STK32B: variants seen among roughly 807,000 people sequenced by gnomAD.
STK32B encodes serine/threonine-protein kinase 32B.
Under a neutral mutation model 52.6 loss-of-function variants are expected in STK32B, and 43 were observed. The observed-to-expected ratio is 0.82, with a 90% CI of 0.64 to 1.05. STK32B has a LOEUF of 1.05. STK32B is among the 50% of genes least tolerant of loss of function. The pLI, the probability that STK32B is intolerant of heterozygous loss-of-function variation, is 0.00. For missense variants in STK32B, 621 were observed against 534.6 expected (o/e 1.16, Z -1.59); for synonymous variants, 238 against 204.3 (o/e 1.17, Z -1.41).
chr4:5,279,390 A>C (rs532210198), intron 3 of STK32B, among the ~76,000 whole-genome samples: 1 of 152,136 alleles, frequency 6.6e-6, no homozygotes, highest in Non-Finnish European at 1.5e-5. Flanking sequence ...CCTCGACTCC[A>C]TGATTCACAT....
At chr4:5,034,266 A>G in the STK32B span, among the ~76,000 whole-genome samples, 1 of 152,212 alleles carries the variant, frequency 6.6e-6, no homozygotes, top group Non-Finnish European at 1.5e-5. Flanking sequence ...AAAATGAACC[A>G]GAAAATGTAT....
intron 3 of STK32B, among the ~76,000 whole-genome samples, chr4:5,320,180 C>T (rs1181581557): frequency 1.2e-4 from 19 of 152,096 alleles, no homozygotes; most frequent in Non-Finnish European, 1.5e-5. Flanking sequence ...TTATCCTTCC[C>T]CTCCTAGAGT....
Position 5,456,850 on chromosome 4 carries a change from TCAA to T in STK32B, c.713_715del (p.Asn238del). 6.3e-7 allele frequency: 1 copy of T among 1,598,920 alleles called. No individual in the cohort carries two copies. Among genetic ancestry groups the T allele is most frequent in the Non-Finnish European group, 8.5e-7 (1 of 1,171,124 alleles). The stretch of plus-strand genomic sequence containing the variant: ...TCGGTCACGCCCATCGATGAAATCC[TCAA>T]CATGTTCAAGGTGGAGCGTGTCCAC... On this transcript the variant is annotated inframe_deletion, in exon 8 of 12. Coordinates refer to ENST00000282908, the MANE Select transcript of STK32B (RefSeq NM_018401.3).
rs941762716 is a variant in STK32B at position 5,500,521 on chromosome 4, G to C, written c.*1438G>C. On this transcript the variant is annotated 3_prime_UTR_variant, in exon 12 of 12. Transcript: ENST00000282908. ...TGATATTTGTTTGTTACATCCTGCT[G>C]AAGTTCGACTGTGTTTTTATTTTTT... 4 of 152,256 alleles carry C rather than the reference G, an allele frequency of 2.6e-5. No homozygotes were observed. Among genetic ancestry groups the C allele is most frequent in the Middle Eastern group, 3.4e-3 (1 of 294 alleles). 9.4% of individuals were successfully genotyped at this position (152,256 alleles called of 1,614,324 possible).
At chr4:5,384,359 G>A (rs1263305842) in intron 4 of STK32B, among the ~76,000 whole-genome samples, 4 of 152,156 alleles carry the variant, frequency 2.6e-5, no homozygotes, top group Non-Finnish European at 5.9e-5. Context: ...GGCAGATGTG[G>A]GGTGTGGACA....
At chr4:5,471,364 C>T (rs531027644) in intron 11 of STK32B, among the ~76,000 whole-genome samples, 3 of 152,036 alleles carry the variant, frequency 2.0e-5, no homozygotes, top group African/African-American at 7.3e-5. Flanking sequence ...AGAAGAGGTG[C>T]AGGCATGGGG....
intron 5 of STK32B, among the ~76,000 whole-genome samples, chr4:5,401,748 G>A (rs1737304547): frequency 6.6e-6 from 1 of 152,294 alleles, no homozygotes; most frequent in East Asian, 1.9e-4. Flanking sequence ...AGGGAGGGGG[G>A]AAGCAATTGT....
intron 4 of STK32B, among the ~76,000 whole-genome samples, chr4:5,334,981 G>A (rs1382123352): frequency 6.6e-6 from 1 of 152,004 alleles, no homozygotes; most frequent in Non-Finnish European, 1.5e-5. Flanking sequence ...TCAGGATGAT[G>A]CTGGCCTCAT....
At chr4:5,145,494 C>T (rs1716840846) in intron 2 of STK32B, among the ~76,000 whole-genome samples, 1 of 152,180 alleles carries the variant, frequency 6.6e-6, no homozygotes, top group African/African-American at 2.4e-5. Flanking sequence ...CCCCTCTTGA[C>T]CCTTTACTGT....
rs147771552 is a variant in STK32B, at chr4:5,370,310, C to T, written c.435-27897C>T. Among the ~76,000 whole-genome samples, 158 of 152,318 alleles carry T rather than the reference C, an allele frequency of 1.0e-3. 1 individual carries two copies. Among genetic ancestry groups the T allele is most frequent in the African/African-American group, 3.7e-3 (152 of 41,576 alleles). On this transcript the variant is annotated intron_variant, in intron 4 of 11. Coordinates refer to ENST00000282908, the MANE Select transcript of STK32B (RefSeq NM_018401.3). Reference sequence around the variant, plus strand: ...TCATTGGCTGACTTGGTACCTGCCACATTGGAGCTGCACCATATTTGTGAA... The same window carrying T: ...TCATTGGCTGACTTGGTACCTGCCATATTGGAGCTGCACCATATTTGTGAA...
intron 6 of STK32B, among the ~76,000 whole-genome samples, chr4:5,439,950 T>A (rs962772310): frequency 1.3e-5 from 2 of 152,212 alleles, no homozygotes; most frequent in Non-Finnish European, 2.9e-5. Context: ...TCTGTTGTGT[T>A]CCATTGATCT....
At chr4:5,268,043 C>T (rs1247046121) in intron 3 of STK32B, among the ~76,000 whole-genome samples, 9 of 152,130 alleles carry the variant, frequency 5.9e-5, no homozygotes, top group Non-Finnish European at 1.2e-4. Context: ...GTTCAGGAGC[C>T]ATTCTGTTCT....
intron 3 of STK32B, among the ~76,000 whole-genome samples, chr4:5,190,179 C>G (rs1047847076): frequency 3.3e-5 from 5 of 152,078 alleles, no homozygotes; most frequent in African/African-American, 9.7e-5. Context: ...GGGATTTTGA[C>G]CTCCATACCT....
At chr4:5,349,325 C>T (rs1222445785) in intron 4 of STK32B, among the ~76,000 whole-genome samples, 3 of 152,148 alleles carry the variant, frequency 2.0e-5, no homozygotes, top group African/African-American at 7.2e-5. Flanking sequence ...AGCAGAGCCT[C>T]CGTAAACAAC....
chr4:5,466,868 A>G (rs773579303), intron 10 of STK32B, 34 bp downstream of exon 10: 2 of 1,603,008 alleles, frequency 1.2e-6, no homozygotes, highest in African/African-American at 1.3e-5. Flanking sequence ...CCGGGAGAGA[A>G]ATCCTGTGCT....
chr4:5,416,961 A>G (rs1712216358), intron 6 of STK32B, 27 bp downstream of exon 6: 2 of 1,592,338 alleles, frequency 1.3e-6, no homozygotes, highest in Non-Finnish European at 1.7e-6. Flanking sequence ...CCTTCTTTTC[A>G]TGTGATCGGG....
intron 4 of STK32B, among the ~76,000 whole-genome samples, chr4:5,388,064 T>G (rs114603886): frequency 0.022 from 3,350 of 152,244 alleles, 119 homozygotes; most frequent in African/African-American, 0.077. Flanking sequence ...ACTTTTTAAC[T>G]ATGACCATGG....
chr4:5,198,776 C>T (rs1223731249), intron 3 of STK32B, among the ~76,000 whole-genome samples: 1 of 152,192 alleles, frequency 6.6e-6, no homozygotes, highest in Non-Finnish European at 1.5e-5. Context: ...CCTTCATGCT[C>T]TACTGCATCC....
rs1741883580 is a variant in STK32B at position 5,053,812 on chromosome 4, C to CATT, written c.52+1897_52+1898insATT. Among the ~76,000 whole-genome samples, 8 of 114,428 alleles carry CATT rather than the reference C, an allele frequency of 7.0e-5. No individual in the cohort carries two copies. The South Asian group carries it at 2.2e-3, about 32-fold the overall frequency. The allele number at this position is 114,428 out of a possible 152,430, so 75.1% of individuals were successfully genotyped here. ...TGGCCAACATGATGAAACCCCGACTCTACTAAAAATACAAAAATTAGCCGG... is the reference window on the plus strand; with the variant it reads ...TGGCCAACATGATGAAACCCCGACTCATTTACTAAAAATACAAAAATTAGCCGG... On this transcript the variant is annotated intron_variant, in intron 1 of 11. Transcript: ENST00000282908.
Sources: allele counts gnomAD v4.1 joint callset (sites outside exome capture counted in the v4.1 genomes callset), GRCh38; gene constraint gnomAD v4.1.1; transcripts MANE v1.5; gene names NCBI Gene and HGNC (gene_info 2026-07-23, HGNC 2026-07-21).